Variants in SEPTIN10 observed in about 807,000 individuals in gnomAD.
SEPTIN10 encodes the protein septin 10, also known as septin-10.
Under a neutral mutation model 54.8 loss-of-function variants are expected in SEPTIN10, and 66 were observed. The ratio of observed to expected loss-of-function variants is 1.21; its 90% CI spans 0.99 to 1.48. The LOEUF (loss-of-function observed/expected upper bound fraction) is 1.48. SEPTIN10 is among the 40% of genes most tolerant of loss of function. SEPTIN10 has a pLI of 0.00. For missense variants in SEPTIN10, 620 were observed against 545.6 expected (o/e 1.14, Z -1.36); for synonymous variants, 161 against 181.0 (o/e 0.89, Z 0.89).
At position 109,543,846 on chromosome 2, in the gene SEPTIN10, T is replaced by C. The variant is rs1453374746; in HGVS notation, c.*463A>G. On this transcript the variant is annotated 3_prime_UTR_variant, in exon 11 of 11. Transcript: ENST00000397712. ...CAAAATGCTAGGGACCAGAAGTGTT[T>C]TGGATTTCAGGTTTGGAATATCTGC... 3.6e-6 allele frequency: 1 copy of C among 277,816 alleles called. No homozygotes were observed. The highest frequency in any genetic ancestry group is 6.5e-5 in the South Asian group (1 of 15,306). 17.2% of individuals were successfully genotyped at this position (277,816 alleles called of 1,614,324 possible). A position where few individuals can be genotyped will look rare whatever the true frequency, so the allele number is the denominator to read the frequency against.
At chr2:109,578,851 G>A (rs1433811859) in intron 4 of SEPTIN10, among the ~76,000 whole-genome samples, 1 of 152,096 alleles carries the variant, frequency 6.6e-6, no homozygotes, top group Non-Finnish European at 1.5e-5. Context: ...CACGCTTACA[G>A]GGTAGTTTAT....
chr2:109,586,269 G>A (rs1304643211), intron 2 of SEPTIN10, among the ~76,000 whole-genome samples: 1 of 152,158 alleles, frequency 6.6e-6, no homozygotes, highest in Non-Finnish European at 1.5e-5. Context: ...AGTAACTTAG[G>A]TCAAACTTAC....
intron 4 of SEPTIN10, among the ~76,000 whole-genome samples, chr2:109,581,042 C>T (rs1042695142): frequency 6.6e-6 from 1 of 152,228 alleles, no homozygotes; most frequent in Non-Finnish European, 1.5e-5. Context: ...ATATGCAGGA[C>T]AGCAAAATAC....
At chr2:109,574,501 T>TGG in intron 5 of SEPTIN10, 80 bp downstream of exon 5, 1 of 755,400 alleles carries the variant, frequency 1.3e-6, no homozygotes, top group Non-Finnish European at 1.9e-6. Context: ...AGTTACAATA[T>TGG]ATATCCATAT....
At chr2:109,603,330 G>A (rs1162110477) in intron 1 of SEPTIN10, among the ~76,000 whole-genome samples, 1 of 151,978 alleles carries the variant, frequency 6.6e-6, no homozygotes, top group Non-Finnish European at 1.5e-5. Flanking sequence ...CACCTCCTGG[G>A]TTCACGCCAT....
rs1227824449 is a variant in SEPTIN10, at chr2:109,569,494, T to C, written c.601-1518A>G. Reference sequence around the variant, plus strand: ...ATTCCTATTCTAAATTTTTTTATCTTCTCAAATTTCACATTGATGCCAAGT... The same window carrying C: ...ATTCCTATTCTAAATTTTTTTATCTCCTCAAATTTCACATTGATGCCAAGT... On this transcript the variant is annotated intron_variant, in intron 5 of 10. Transcript: ENST00000397712. Among the ~76,000 whole-genome samples, 4 of 151,920 alleles carry C rather than the reference T, an allele frequency of 2.6e-5. No homozygotes were observed. In the East Asian group the frequency reaches 7.7e-4, roughly 29 times the overall value.
At chr2:109,613,694 G>T in intron 1 of SEPTIN10, 104 bp downstream of exon 1, 1 of 775,930 alleles carries the variant, frequency 1.3e-6, no homozygotes, top group Non-Finnish European at 1.7e-6. Context: ...AGGGGGCGCG[G>T]GTCACAATCC....
In SEPTIN10 at chr2:109,595,233, G is replaced by A. The variant is rs568754709; in HGVS notation, c.31-2114C>T. ...GTTTTTCCAACACAAAATGACACTTGTCAGTTGGAAGATGCTCCTATTTAA... is the reference window on the plus strand; with the variant it reads ...GTTTTTCCAACACAAAATGACACTTATCAGTTGGAAGATGCTCCTATTTAA... On this transcript the variant is annotated intron_variant, in intron 1 of 10. Transcript: ENST00000397712. Among the ~76,000 whole-genome samples, 368 of 152,254 alleles carry A rather than the reference G, an allele frequency of 2.4e-3. 3 individuals are homozygous for A. Among genetic ancestry groups the A allele is most frequent in the South Asian group, 7.2e-3 (35 of 4,828 alleles).
Position 109,577,912 on chromosome 2 carries a change from C to CAA in SEPTIN10, c.414-3147_414-3146dup, listed in dbSNP as rs745439822. On this transcript the variant is annotated intron_variant, in intron 4 of 10. Coordinates refer to ENST00000397712, the MANE Select transcript of SEPTIN10 (RefSeq NM_144710.5). ...TGGGTGACGAAGTGAGACTTTGTCT[C>CAA]AAAAAAAAAAAAAAAAAAAAAAGAG... Among the ~76,000 whole-genome samples, 179 of 91,886 alleles carry CAA rather than the reference C, an allele frequency of 1.9e-3. 1 individual carries two copies. Among genetic ancestry groups the CAA allele is most frequent in the East Asian group, 3.8e-3 (11 of 2,884 alleles). The allele number at this position is 91,886 out of a possible 152,430, so 60.3% of individuals were successfully genotyped here. A position where few individuals can be genotyped will look rare whatever the true frequency, so the allele number is the denominator to read the frequency against.
At chr2:109,591,132 T>A (rs1277391329) in intron 2 of SEPTIN10, among the ~76,000 whole-genome samples, 1 of 152,252 alleles carries the variant, frequency 6.6e-6, no homozygotes, top group Non-Finnish European at 1.5e-5. Context: ...CATGTAAGCA[T>A]GTTATCTTCA....
chr2:109,588,794 ATAT>A, intron 2 of SEPTIN10, among the ~76,000 whole-genome samples: 1 of 151,412 alleles, frequency 6.6e-6, no homozygotes, highest in South Asian at 2.1e-4. Flanking sequence ...CCAGGCTAAA[ATAT>A]TATATTATTT....
rs758788241 is a variant in SEPTIN10, at chr2:109,544,204, A to G, written c.*105T>C. 1.2e-6 allele frequency: 2 copies of G among 1,607,016 alleles called. No individual in the cohort carries two copies. Among genetic ancestry groups the G allele is most frequent in the Admixed American group, 3.3e-5 (2 of 59,716 alleles). On this transcript the variant is annotated 3_prime_UTR_variant, in exon 11 of 11. Coordinates refer to ENST00000397712, the MANE Select transcript of SEPTIN10 (RefSeq NM_144710.5). ...CAGTAACTGTGGCTGTTCACCAAAT[A>G]TAGAAGTGATAAAACAAATAACAGC...
chr2:109,545,104 C>G (rs1680841047), intron 10 of SEPTIN10: 1 of 985,370 alleles, frequency 1.0e-6, no homozygotes, highest in Admixed American at 6.1e-5. Context: ...GAAATAGATG[C>G]AGTGAGAGCA....
chr2:109,558,187 T>C (rs1684822010), intron 8 of SEPTIN10, among the ~76,000 whole-genome samples: 1 of 152,210 alleles, frequency 6.6e-6, no homozygotes, highest in Admixed American at 6.5e-5. Flanking sequence ...AAATCTCAGA[T>C]GCTCATGTCA....
chr2:109,597,408 G>T (rs968878255), intron 1 of SEPTIN10, among the ~76,000 whole-genome samples: 1 of 152,188 alleles, frequency 6.6e-6, no homozygotes, highest in African/African-American at 2.4e-5. Context: ...CACCCACTTA[G>T]TATGTGTAAA....
chr2:109,575,786 A>G (rs1689549560), intron 4 of SEPTIN10, among the ~76,000 whole-genome samples: 1 of 152,248 alleles, frequency 6.6e-6, no homozygotes, highest in South Asian at 2.1e-4. Flanking sequence ...TACCTTGAGC[A>G]GCTGAGGTAC....
chr2:109,601,837 T>C (rs1246075630), intron 1 of SEPTIN10, among the ~76,000 whole-genome samples: 2 of 152,116 alleles, frequency 1.3e-5, no homozygotes, highest in African/African-American at 2.4e-5. Flanking sequence ...CTCTACAAGT[T>C]ACTTTCTAGC....
At chr2:109,606,535 C>G (rs1239643448) in intron 1 of SEPTIN10, among the ~76,000 whole-genome samples, 1 of 152,048 alleles carries the variant, frequency 6.6e-6, no homozygotes, top group Non-Finnish European at 1.5e-5. Context: ...CCATAAAGGA[C>G]AAGTCCACAG....
At chr2:109,556,260 A>G (rs1684349353) in intron 8 of SEPTIN10, among the ~76,000 whole-genome samples, 2 of 152,228 alleles carry the variant, frequency 1.3e-5, no homozygotes, top group South Asian at 4.1e-4. Context: ...GCTTGCTATA[A>G]GAATATCCCA....
Sources: gnomAD v4.1 joint callset for allele counts (sites outside exome capture counted in the v4.1 genomes callset) on GRCh38, gnomAD v4.1.1 for gene constraint, MANE v1.5 for transcripts, NCBI Gene and HGNC (gene_info 2026-07-23, HGNC 2026-07-21) for gene names.